The following LINGO2 variants were observed in gnomAD, a reference collection of about 807,000 sequenced individuals.
The protein encoded by LINGO2 is leucine rich repeat and Ig domain containing 2.
A neutral mutation model predicts 30.6 loss-of-function variants in LINGO2; 14 were observed. The observed-to-expected ratio is 0.46, with a 90% CI of 0.30 to 0.72. LINGO2 has a LOEUF of 0.72. Among genes scored for constraint, LINGO2 ranks in the 30% least tolerant of loss-of-function variants. The pLI, the probability that LINGO2 is intolerant of heterozygous loss-of-function variation, is 0.07. For missense variants in LINGO2, 729 were observed against 751.7 expected, an observed-to-expected ratio of 0.97 and a Z score of 0.35; for synonymous variants, 317 against 288.5, an observed-to-expected ratio of 1.10 and a Z score of -1.00.
chr9:28,049,517 G>A (rs1367424823), intron 4 of LINGO2, among the ~76,000 whole-genome samples: 1 of 150,460 alleles, frequency 6.6e-6, no homozygotes, highest in Non-Finnish European at 1.5e-5. Context: ...GTAGGAAATA[G>A]CATGGTGAGT....
chr9:27,972,653 C>T (rs1482638254), intron 5 of LINGO2, among the ~76,000 whole-genome samples: 5 of 152,138 alleles, frequency 3.3e-5, no homozygotes, highest in South Asian at 2.1e-4. Context: ...TTTCTGTCCA[C>T]GCAGGTAGAA....
the LINGO2 span, among the ~76,000 whole-genome samples, chr9:29,173,900 G>A: frequency 6.6e-6 from 1 of 151,916 alleles, no homozygotes; most frequent in South Asian, 2.1e-4. Context: ...TTACAACATT[G>A]GCACACAGAT....
chr9:28,253,826 C>G (rs1189048327), intron 4 of LINGO2, among the ~76,000 whole-genome samples: 1 of 151,986 alleles, frequency 6.6e-6, no homozygotes, highest in East Asian at 1.9e-4. Context: ...AAGCGGGTCC[C>G]CGGAAAAACT....
the LINGO2 span, among the ~76,000 whole-genome samples, chr9:29,068,913 A>G: frequency 6.6e-6 from 1 of 151,922 alleles, no homozygotes; most frequent in African/African-American, 2.4e-5. Context: ...TAACAGGGTA[A>G]TATATGTACT....
At chr9:28,248,564 G>A (rs1045311160) in intron 4 of LINGO2, among the ~76,000 whole-genome samples, 2 of 152,058 alleles carry the variant, frequency 1.3e-5, no homozygotes, top group African/African-American at 4.8e-5. Context: ...GCACATCAGG[G>A]GGACTGTAGT....
intron 4 of LINGO2, among the ~76,000 whole-genome samples, chr9:28,142,370 G>A (rs1437602794): frequency 1.3e-5 from 2 of 152,042 alleles, no homozygotes; most frequent in African/African-American, 4.8e-5. Flanking sequence ...TTTTGTTACT[G>A]CTAGATCTGG....
At chr9:28,832,143 A>G in the LINGO2 span, among the ~76,000 whole-genome samples, 2 of 152,178 alleles carry the variant, frequency 1.3e-5, no homozygotes, top group South Asian at 4.1e-4. Context: ...ATTTTTAGCA[A>G]ATTATTTTCA....
chr9:28,068,643 A>G (rs918466881), intron 4 of LINGO2, among the ~76,000 whole-genome samples: 2 of 152,154 alleles, frequency 1.3e-5, no homozygotes, highest in African/African-American at 4.8e-5. Context: ...TTTCTTTTTC[A>G]AATATACCAT....
the LINGO2 span, among the ~76,000 whole-genome samples, chr9:28,964,121 T>G: frequency 6.6e-6 from 1 of 151,856 alleles, no homozygotes; most frequent in Admixed American, 6.6e-5. Context: ...TATATATATA[T>G]ACACACATAC....
chr9:28,951,045 T>A, the LINGO2 span, among the ~76,000 whole-genome samples: 1 of 152,052 alleles, frequency 6.6e-6, no homozygotes, highest in Non-Finnish European at 1.5e-5. Context: ...AAAACAGATA[T>A]ATAGACCAAT....
At chr9:28,057,221 G>T (rs919673863) in intron 4 of LINGO2, among the ~76,000 whole-genome samples, 2 of 151,808 alleles carry the variant, frequency 1.3e-5, no homozygotes, top group African/African-American at 4.8e-5. Flanking sequence ...AACTGATTTG[G>T]GCTGAAATAT....
chr9:28,251,811 G>T (rs2134012364), intron 4 of LINGO2, among the ~76,000 whole-genome samples: 1 of 152,218 alleles, frequency 6.6e-6, no homozygotes, highest in African/African-American at 2.4e-5. Context: ...GGAATATTAT[G>T]TGATAATTAA....
rs535281941 is a variant in LINGO2 at position 28,532,302 on chromosome 9, A to G, written c.-364-56277T>C. ...AGGTTTCATATCAGCAAATCAGGAG[A>G]ATATCCTGTTTTAGTCCTTTTCTCA... On this transcript the variant is annotated intron_variant, in intron 1 of 5. Coordinates refer to ENST00000379992, the Ensembl canonical transcript of LINGO2. 8.1e-4 allele frequency among the ~76,000 whole-genome samples: 123 copies of G among 152,256 alleles called. 1 individual carries two copies. Among genetic ancestry groups the G allele is most frequent in the African/African-American group, 2.8e-3 (116 of 41,560 alleles).
At chr9:28,125,253 C>A (rs763135791) in intron 4 of LINGO2, among the ~76,000 whole-genome samples, 4 of 152,182 alleles carry the variant, frequency 2.6e-5, no homozygotes, top group Non-Finnish European at 2.9e-5. Context: ...GAAGCCCAAG[C>A]AGCATAACAA....
chr9:28,771,416 C>T, the LINGO2 span, among the ~76,000 whole-genome samples: 10 of 151,148 alleles, frequency 6.6e-5, no homozygotes, highest in Non-Finnish European at 1.2e-4. Flanking sequence ...GAAATTCTCC[C>T]CCTGTCTCCT....
intron 5 of LINGO2, among the ~76,000 whole-genome samples, chr9:27,984,361 G>A (rs753798306): frequency 6.6e-6 from 1 of 151,858 alleles, no homozygotes; most frequent in East Asian, 1.9e-4. Context: ...TAATAGGTGA[G>A]CAGTGAGCTG....
At chr9:28,567,282 C>A (rs1823430031) in intron 1 of LINGO2, among the ~76,000 whole-genome samples, 1 of 152,028 alleles carries the variant, frequency 6.6e-6, no homozygotes, top group Non-Finnish European at 1.5e-5. Context: ...CCCAGCAATA[C>A]CACCATTGGC....
intron 2 of LINGO2, among the ~76,000 whole-genome samples, chr9:28,463,260 T>G (rs1040740457): frequency 1.3e-5 from 2 of 152,090 alleles, no homozygotes; most frequent in Non-Finnish European, 2.9e-5. Flanking sequence ...TAGCCATTAC[T>G]TTCAATTTAG....
At chr9:28,781,340 C>T in the LINGO2 span, among the ~76,000 whole-genome samples, 1 of 152,018 alleles carries the variant, frequency 6.6e-6, no homozygotes, top group African/African-American at 2.4e-5. Flanking sequence ...CATATAGTAT[C>T]CAAGGTATGC....
Sources: allele counts gnomAD v4.1 joint callset (sites outside exome capture counted in the v4.1 genomes callset), GRCh38; gene constraint gnomAD v4.1.1; transcripts MANE v1.5; gene names NCBI Gene and HGNC (gene_info 2026-07-23, HGNC 2026-07-21).